Variants in FAM162A observed in about 807,000 individuals in gnomAD.
FAM162A encodes protein FAM162A.
A neutral mutation model predicts 21.8 loss-of-function variants in FAM162A; 23 were observed. The ratio of observed to expected loss-of-function variants is 1.05; its 90% CI spans 0.76 to 1.49. FAM162A has a LOEUF of 1.49. FAM162A is among the 40% of genes most tolerant of loss of function. The probability of loss-of-function intolerance (pLI) is 0.00; values close to 1 mark genes in which losing one functional copy is unlikely to be tolerated. For synonymous variants in FAM162A, 53 were observed against 61.3 expected (o/e 0.86, Z 0.64); for missense variants, 165 against 186.4 (o/e 0.89, Z 0.67).
At chr3:122,398,647 C>G (rs1414844465) in intron 1 of FAM162A, among the ~76,000 whole-genome samples, 1 of 151,860 alleles carries the variant, frequency 6.6e-6, no homozygotes, top group Non-Finnish European at 1.5e-5. Context: ...GAGGGGAGAC[C>G]TATAGATTTA....
At chr3:122,399,013 A>C (rs186522113) in intron 1 of FAM162A, among the ~76,000 whole-genome samples, 5 of 152,112 alleles carry the variant, frequency 3.3e-5, no homozygotes, top group African/African-American at 1.2e-4. Flanking sequence ...TTTGCTGTAC[A>C]GTTTATTTTG....
Position 122,400,591 on chromosome 3 carries a change from G to A in FAM162A, c.35-2169G>A, listed in dbSNP as rs997023426. ...TGTAATCCCAGCACTTTGGGAGGCCGAGGCAGGCGGATCACCTAAGGTCAG... is the reference window on the plus strand; with the variant it reads ...TGTAATCCCAGCACTTTGGGAGGCCAAGGCAGGCGGATCACCTAAGGTCAG... On this transcript the variant is annotated intron_variant, in intron 1 of 4. Coordinates refer to ENST00000477892, the MANE Select transcript of FAM162A (RefSeq NM_014367.4). Among the ~76,000 whole-genome samples, 3 of 152,264 alleles carry A rather than the reference G, an allele frequency of 2.0e-5. No individual in the cohort carries two copies. In the South Asian group the frequency reaches 6.2e-4, roughly 32 times the overall value.
intron 1 of FAM162A, among the ~76,000 whole-genome samples, chr3:122,389,416 TA>T (rs2075589916): frequency 6.6e-6 from 1 of 151,688 alleles, no homozygotes; most frequent in Non-Finnish European, 1.5e-5. Flanking sequence ...GATAGATAGA[TA>T]GATAGATAGA....
chr3:122,412,027 A>T lies in FAM162A; in HGVS notation c.*2196A>T, dbSNP rs2075708132. On this transcript the variant is annotated 3_prime_UTR_variant, in exon 5 of 5. Coordinates refer to ENST00000477892, the MANE Select transcript of FAM162A (RefSeq NM_014367.4). ...GGCCAGAATTCAAGATCTGCCCCTA[A>T]CTAATCCTACTTCTCCCAGTACCCT... 6.6e-6 allele frequency: 1 copy of T among 152,120 alleles called. No individual in the cohort carries two copies. The highest frequency in any genetic ancestry group is 1.5e-5 in the Non-Finnish European group (1 of 68,026). 9.4% of individuals were successfully genotyped at this position (152,120 alleles called of 1,614,324 possible).
intron 1 of FAM162A, among the ~76,000 whole-genome samples, chr3:122,402,429 C>G (rs1356785664): frequency 6.6e-6 from 1 of 152,010 alleles, no homozygotes; most frequent in Non-Finnish European, 1.5e-5. Context: ...CTAATCTTTA[C>G]TTAAACAGCC....
chr3:122,393,003 G>A (rs775635306), intron 1 of FAM162A, among the ~76,000 whole-genome samples: 5 of 152,066 alleles, frequency 3.3e-5, no homozygotes, highest in Non-Finnish European at 7.4e-5. Flanking sequence ...AATCAACTTT[G>A]GTACAAGAAA....
In FAM162A at chr3:122,409,836, G is replaced by C. The variant is rs1400404773; in HGVS notation, c.*5G>C. On this transcript the variant is annotated 3_prime_UTR_variant, in exon 5 of 5. Transcript: ENST00000477892. ...ATGAAGGCCAAAACAGAGTAGCAGA[G>C]GTATCCGTGTTGGCTGGATTTTGAA... The C allele has an allele frequency of 2.5e-6, 4 of 1,612,864 alleles. No homozygotes were observed. Among genetic ancestry groups the C allele is most frequent in the Non-Finnish European group, 3.4e-6 (4 of 1,178,894 alleles).
chr3:122,404,307 G>A lies in FAM162A; in HGVS notation c.207G>A (p.Lys69=). 1.9e-6 allele frequency: 3 copies of A among 1,609,896 alleles called. No individual in the cohort carries two copies. The highest frequency in any genetic ancestry group is 1.1e-5 in the South Asian group (1 of 90,350). Residue 69 remains lysine (K), a synonymous_variant, in exon 3 of 5, where the codon AAG becomes AAA. Coordinates refer to ENST00000477892, the MANE Select transcript of FAM162A (RefSeq NM_014367.4). ...PLHKPTDWQK[K]ILIWSGRFKK... is the part of the protein sequence containing the mutation. ...ACAAACCTACGGATTGGCAGAAAAA[G>A]ATCCTCATATGGTCAGGTCGCTTCA...
At chr3:122,405,694 G>GGGCAC (rs2075673655) in intron 3 of FAM162A, among the ~76,000 whole-genome samples, 1 of 152,154 alleles carries the variant, frequency 6.6e-6, no homozygotes. Context: ...CTCTGGAAGG[G>GGGCAC]TCTTTTCTGG....
Position 122,384,264 on chromosome 3 carries a change from C to T in FAM162A, c.-2C>T. ...CGCTGGTCGGCGGAGTAGCAAGTGG[C>T]CATGGGGAGCCTCAGCGGTCTGCGC... is the stretch of plus-strand genomic sequence containing the variant. On this transcript the variant is annotated 5_prime_UTR_variant, in exon 1 of 5. Transcript: ENST00000477892. 6.4e-7 allele frequency: 1 copy of T among 1,574,370 alleles called. No individual in the cohort carries two copies. Among genetic ancestry groups the T allele is most frequent in the Non-Finnish European group, 8.6e-7 (1 of 1,160,338 alleles).
At chr3:122,393,616 T>A (rs1397568908) in intron 1 of FAM162A, among the ~76,000 whole-genome samples, 1 of 152,196 alleles carries the variant, frequency 6.6e-6, no homozygotes, top group Non-Finnish European at 1.5e-5. Flanking sequence ...AGGGCTTATC[T>A]TTTTTCACCT....
chr3:122,399,522 G>C lies in FAM162A; in HGVS notation c.35-3238G>C, dbSNP rs536186856. Among the ~76,000 whole-genome samples the C allele has an allele frequency of 7.5e-4, 114 of 152,232 alleles. 1 individual carries two copies. The highest frequency in any genetic ancestry group is 9.8e-4 in the Admixed American group (15 of 15,298). On this transcript the variant is annotated intron_variant, in intron 1 of 4. Coordinates refer to ENST00000477892, the MANE Select transcript of FAM162A (RefSeq NM_014367.4). The stretch of plus-strand genomic sequence containing the variant: ...GAAAAGACCACATTTTCTTTATCCA[G>C]TCTGCCATTGATGGACATTTAGGTT...
intron 1 of FAM162A, among the ~76,000 whole-genome samples, chr3:122,391,167 G>A (rs2075602649): frequency 6.6e-6 from 1 of 152,100 alleles, no homozygotes; most frequent in Admixed American, 6.5e-5. Context: ...ACATTTTTTA[G>A]CGATAACTTT....
At chr3:122,393,611 T>G (rs2075614282) in intron 1 of FAM162A, among the ~76,000 whole-genome samples, 1 of 152,192 alleles carries the variant, frequency 6.6e-6, no homozygotes, top group South Asian at 2.1e-4. Context: ...CTCACAGGGC[T>G]TATCTTTTTT....
chr3:122,405,794 C>T (rs2075674227), intron 3 of FAM162A, among the ~76,000 whole-genome samples: 1 of 152,214 alleles, frequency 6.6e-6, no homozygotes, highest in Non-Finnish European at 1.5e-5. Flanking sequence ...GAATGGATTA[C>T]TTTTCATGAG....
chr3:122,401,159 T>A (rs957701786), intron 1 of FAM162A, among the ~76,000 whole-genome samples: 1 of 152,204 alleles, frequency 6.6e-6, no homozygotes, highest in Non-Finnish European at 1.5e-5. Flanking sequence ...CATTTTTCAT[T>A]TATTTTTTCT....
At chr3:122,399,112 TTTG>T (rs1370001890) in intron 1 of FAM162A, among the ~76,000 whole-genome samples, 1 of 152,040 alleles carries the variant, frequency 6.6e-6, no homozygotes, top group Non-Finnish European at 1.5e-5. Context: ...GGCCCCAATG[TTTG>T]TTGTTCCCTT....
intron 3 of FAM162A, among the ~76,000 whole-genome samples, chr3:122,406,549 G>A (rs1435328238): frequency 6.6e-6 from 1 of 152,228 alleles, no homozygotes; most frequent in East Asian, 1.9e-4. Flanking sequence ...ACATGGGTCT[G>A]TATTCAGTAG....
At chr3:122,405,379 T>G (rs1029178220) in intron 3 of FAM162A, among the ~76,000 whole-genome samples, 12 of 152,348 alleles carry the variant, frequency 7.9e-5, no homozygotes, top group Non-Finnish European at 1.6e-4. Context: ...TTAATAGAGC[T>G]TTTCTGCTTC....
Sources: allele counts gnomAD v4.1 joint callset (sites outside exome capture counted in the v4.1 genomes callset), GRCh38; gene constraint gnomAD v4.1.1; transcripts MANE v1.5; gene names NCBI Gene and HGNC (gene_info 2026-07-23, HGNC 2026-07-21).